The following MAP3K20 variants were observed in gnomAD, a reference collection of about 807,000 sequenced individuals.
MAP3K20 encodes the protein HCCS-4.
Under a neutral mutation model 85.7 loss-of-function variants are expected in MAP3K20, and 40 were observed. The observed-to-expected ratio is 0.47, with a 90% CI of 0.36 to 0.61. The LOEUF (loss-of-function observed/expected upper bound fraction) is 0.61, where lower values mean the gene tolerates loss of function less well. Among genes scored for constraint, MAP3K20 ranks in the 20% least tolerant of loss-of-function variants. The pLI is 0.00. For missense variants in MAP3K20, 817 were observed against 961.7 expected, an observed-to-expected ratio of 0.85 and a Z score of 1.99; for synonymous variants, 325 against 327.7, an observed-to-expected ratio of 0.99 and a Z score of 0.09.
At chr2:173,173,972 AC>A (rs1690081919) in intron 3 of MAP3K20, among the ~76,000 whole-genome samples, 1 of 152,232 alleles carries the variant, frequency 6.6e-6, no homozygotes, top group Non-Finnish European at 1.5e-5. Flanking sequence ...AATCCAGTAA[AC>A]TACTTTCTAC....
chr2:173,118,777 T>C (rs770580438), intron 2 of MAP3K20, among the ~76,000 whole-genome samples: 3 of 152,198 alleles, frequency 2.0e-5, no homozygotes, highest in Non-Finnish European at 2.9e-5. Flanking sequence ...TCTTATATGT[T>C]GAACTTGATT....
At chr2:173,157,412 C>G (rs535514388) in intron 2 of MAP3K20, among the ~76,000 whole-genome samples, 2 of 151,906 alleles carry the variant, frequency 1.3e-5, no homozygotes, top group South Asian at 4.2e-4. Flanking sequence ...TGACAGAACC[C>G]CAAAACAGTA....
intron 5 of MAP3K20, among the ~76,000 whole-genome samples, chr2:173,190,214 T>C (rs189496440): frequency 6.6e-6 from 1 of 152,200 alleles, no homozygotes; most frequent in Non-Finnish European, 1.5e-5. Context: ...AAGCATCATT[T>C]CTTACAGGAA....
At chr2:173,083,154 A>G (rs1357330205) in intron 1 of MAP3K20, among the ~76,000 whole-genome samples, 2 of 152,172 alleles carry the variant, frequency 1.3e-5, no homozygotes, top group Non-Finnish European at 2.9e-5. Flanking sequence ...AACAATGGCT[A>G]TTCTGTTTTT....
intron 11 of MAP3K20, 79 bp from the exon 12 acceptor site, chr2:173,229,610 G>A: frequency 6.3e-7 from 1 of 1,583,902 alleles, no homozygotes; most frequent in Non-Finnish European, 8.6e-7. Context: ...AGAGCTGAAA[G>A]AGTGAGACAA....
At chr2:173,090,334 A>G (rs3769203) in intron 1 of MAP3K20, among the ~76,000 whole-genome samples, 46,446 of 152,078 alleles carry the variant, frequency 0.31, 8,138 homozygotes, top group Non-Finnish European at 0.4. Flanking sequence ...CGTCCTTGGC[A>G]GTATTCTTTC....
chr2:173,221,116 CTT>C lies in MAP3K20; in HGVS notation c.987+3870_987+3871del, dbSNP rs555565402. The C allele has an allele frequency of 3.3e-3, 4,759 of 1,436,126 alleles. 12 individuals are homozygous for C. Among genetic ancestry groups the C allele is most frequent in the Admixed American group, 6.7e-3 (284 of 42,122 alleles). The allele number at this position is 1,436,126 out of a possible 1,614,324, so 89.0% of individuals were successfully genotyped here. A position where few individuals can be genotyped will look rare whatever the true frequency, so the allele number is the denominator to read the frequency against. On this transcript the variant is annotated intron_variant, in intron 11 of 19. Transcript: ENST00000375213. ...CTGATTTAAATTGGTCCTAATTTCT[CTT>C]TTTACTTCTGTCCTTTCTTCCCTTT... is the stretch of plus-strand genomic sequence containing the variant.
At chr2:173,155,768 A>C (rs1474635165) in intron 2 of MAP3K20, among the ~76,000 whole-genome samples, 1 of 152,190 alleles carries the variant, frequency 6.6e-6, no homozygotes, top group African/African-American at 2.4e-5. Flanking sequence ...CAAGGAGTGC[A>C]AAATGTTGTT....
At position 173,134,409 on chromosome 2, in the gene MAP3K20, TATATATA is replaced by T. The variant is rs1688724117; in HGVS notation, c.160-35395_160-35389del. ...GTCTCTATACATATATATATATATA[TATATATA>T]TATATATATATATTTTTTTTTTTTT... On this transcript the variant is annotated intron_variant, in intron 2 of 19. Transcript: ENST00000375213. Among the ~76,000 whole-genome samples, 16 of 9,730 alleles carry T rather than the reference TATATATA, an allele frequency of 1.6e-3. 1 individual carries two copies. The highest frequency in any genetic ancestry group is 3.4e-3 in the Non-Finnish European group (12 of 3,484). 6.4% of individuals were successfully genotyped at this position (9,730 alleles called of 152,430 possible). A position where few individuals can be genotyped will look rare whatever the true frequency, so the allele number is the denominator to read the frequency against.
chr2:173,095,015 A>G (rs1687418374), intron 2 of MAP3K20, among the ~76,000 whole-genome samples: 1 of 152,206 alleles, frequency 6.6e-6, no homozygotes, highest in South Asian at 2.1e-4. Context: ...AGAAAGTAAA[A>G]AGTTCTAGCA....
intron 2 of MAP3K20, among the ~76,000 whole-genome samples, chr2:173,159,365 TC>T (rs371746963): frequency 3.9e-5 from 4 of 102,888 alleles, no homozygotes; most frequent in African/African-American, 9.8e-5. Context: ...TTCTTTCCTT[TC>T]CTTCCTTTCC....
chr2:173,155,877 C>T (rs368707828), intron 2 of MAP3K20, among the ~76,000 whole-genome samples: 1 of 152,198 alleles, frequency 6.6e-6, no homozygotes, highest in African/African-American at 2.4e-5. Context: ...TAATATTCTC[C>T]TCATCTTCCT....
rs770361767 is a variant in MAP3K20 at position 173,258,710 on chromosome 2, G to A, written c.1371G>A (p.Trp457Ter). The A allele has an allele frequency of 6.2e-7, 1 of 1,600,392 alleles. No homozygotes were observed. Among genetic ancestry groups the A allele is most frequent in the Non-Finnish European group, 8.5e-7 (1 of 1,171,622 alleles). Residue 457 changes from tryptophan to a stop codon, truncating the protein, a stop_gained, in exon 17 of 20, where the codon TGG becomes TGA. Coordinates refer to ENST00000375213, the MANE Select transcript of MAP3K20 (RefSeq NM_016653.3). LOFTEE classifies it high-confidence loss of function. ...KPGTGPQDCK[W>*]KMYMEMDGDE... is the part of the protein sequence containing the mutation. ...GTTTTTAATTCCAGGATTGTAAGTG[G>A]AAAATGTATATGGAGATGGATGGGG...
At chr2:173,104,849 T>C (rs1466277847) in intron 2 of MAP3K20, among the ~76,000 whole-genome samples, 2 of 152,052 alleles carry the variant, frequency 1.3e-5, no homozygotes, top group Non-Finnish European at 2.9e-5. Context: ...GAGTAAAAAC[T>C]TGAAGGAATT....
At chr2:173,204,904 C>G (rs920091645) in intron 9 of MAP3K20, among the ~76,000 whole-genome samples, 3 of 151,902 alleles carry the variant, frequency 2.0e-5, no homozygotes. Flanking sequence ...GAGATCGAGA[C>G]CATCCTGGCT....
intron 2 of MAP3K20, among the ~76,000 whole-genome samples, chr2:173,134,383 TG>T (rs1688714722): frequency 9.6e-6 from 1 of 103,762 alleles, no homozygotes; most frequent in Non-Finnish European, 2.0e-5. Context: ...TGTGTGTGTG[TG>T]TCTCTATACA....
chr2:173,075,971 C>G lies in MAP3K20; in HGVS notation c.-66C>G, dbSNP rs1184844769. ...GTCGCGCGCGGGGCCTCCGCGCCCC[C>G]GGCTGCTGCTCACGCCCCGCCCGGG... On this transcript the variant is annotated 5_prime_UTR_variant, in exon 1 of 20. Transcript: ENST00000375213. 3 of 984,904 alleles carry G rather than the reference C, an allele frequency of 3.0e-6. No homozygotes were observed. Among genetic ancestry groups the G allele is most frequent in the South Asian group, 4.7e-5 (1 of 21,294 alleles). 61.0% of individuals were successfully genotyped at this position (984,904 alleles called of 1,614,324 possible).
chr2:173,161,186 T>C (rs1048430077), intron 2 of MAP3K20, among the ~76,000 whole-genome samples: 2 of 152,238 alleles, frequency 1.3e-5, no homozygotes, highest in Admixed American at 1.3e-4. Context: ...ATTGTGCTCA[T>C]GTAATTGCCT....
At chr2:173,113,370 T>C (rs544862397) in intron 2 of MAP3K20, among the ~76,000 whole-genome samples, 1 of 151,088 alleles carries the variant, frequency 6.6e-6, no homozygotes, top group East Asian at 1.9e-4. Flanking sequence ...ATCTTTTGTA[T>C]TTTTTTTTGT....
Sources: gnomAD v4.1 joint callset for allele counts (sites outside exome capture counted in the v4.1 genomes callset) on GRCh38, gnomAD v4.1.1 for gene constraint, MANE v1.5 for transcripts, NCBI Gene and HGNC (gene_info 2026-07-23, HGNC 2026-07-21) for gene names.